Variants in DCLRE1B observed in about 807,000 individuals in gnomAD.
DCLRE1B encodes DNA cross-link repair 1B, also known as 5' exonuclease Apollo.
Under a neutral mutation model 19.8 loss-of-function variants are expected in DCLRE1B, and 6 were observed. The observed-to-expected ratio is 0.30, with a 90% CI of 0.17 to 0.60. The LOEUF is 0.60. DCLRE1B is among the 20% of genes least tolerant of loss of function. DCLRE1B has a pLI of 0.87. For synonymous variants in DCLRE1B, 258 were observed against 255.7 expected (o/e 1.01, Z -0.09); for missense variants, 622 against 654.2 (o/e 0.95, Z 0.54).
At chr1:113,909,733 A>C (rs1669182321) in intron 3 of DCLRE1B, among the ~76,000 whole-genome samples, 1 of 152,234 alleles carries the variant, frequency 6.6e-6, no homozygotes, top group African/African-American at 2.4e-5. Context: ...GCCTCTACCC[A>C]CTAAGTACCA....
rs1383239918 is a variant in DCLRE1B at position 113,913,105 on chromosome 1, T to C, written c.*914T>C. The C allele has an allele frequency of 6.5e-6, 1 of 152,890 alleles. No homozygotes were observed. The highest frequency in any genetic ancestry group is 1.9e-4 in the East Asian group (1 of 5,348). 9.5% of individuals were successfully genotyped at this position (152,890 alleles called of 1,614,324 possible). A position where few individuals can be genotyped will look rare whatever the true frequency, so the allele number is the denominator to read the frequency against. ...GTAGGGAGCCAGTGCACACAGCCTG[T>C]TTGTTTTAGTATCCAAGGAAGAGAC... On this transcript the variant is annotated 3_prime_UTR_variant, in exon 4 of 4. Transcript: ENST00000650450.
chr1:113,905,597 T>C lies in DCLRE1B; in HGVS notation c.11T>C (p.Val4Ala), dbSNP rs1158096159. MNGVLIPHTPIAVD... is the reference protein window; with the variant it reads MNGALIPHTPIAVD... ...TCCAACCCTACCACCATGAATGGGG[T>C]CCTGATCCCCCATACGCCCATCGCA... is the stretch of plus-strand genomic sequence containing the variant. Residue 4 changes from valine to alanine, a missense_variant, in exon 1 of 4, where the codon GTC (valine) becomes GCC (alanine). Transcript: ENST00000650450. 3.1e-6 allele frequency: 5 copies of C among 1,613,840 alleles called. No homozygotes were observed. The highest frequency in any genetic ancestry group is 4.2e-6 in the Non-Finnish European group (5 of 1,179,970).
rs754369826 is a variant in DCLRE1B at position 113,912,237 on chromosome 1, T to C, written c.*46T>C. The C allele has an allele frequency of 6.6e-7, 1 of 1,526,096 alleles. No homozygotes were observed. Among genetic ancestry groups the C allele is most frequent in the Non-Finnish European group, 8.8e-7 (1 of 1,137,320 alleles). The allele number at this position is 1,526,096 out of a possible 1,614,324, so 94.5% of individuals were successfully genotyped here. A position where few individuals can be genotyped will look rare whatever the true frequency, so the allele number is the denominator to read the frequency against. ...ACAACATTGAGCCCACACTGCAGTT[T>C]TGAAGATAGTAACTGATGGCTGGTG... On this transcript the variant is annotated 3_prime_UTR_variant, in exon 4 of 4. Coordinates refer to ENST00000650450, the MANE Select transcript of DCLRE1B (RefSeq NM_022836.4).
intron 2 of DCLRE1B, 87 bp downstream of exon 2, chr1:113,907,248 GGGCCTCGC>G: frequency 8.8e-7 from 1 of 1,133,488 alleles, no homozygotes; most frequent in South Asian, 1.9e-5. Context: ...GTATAGACTG[GGGCCTCGC>G]AGTGTTGCCG....
chr1:113,907,204 G>GTTTTGTT (rs1669055897), intron 2 of DCLRE1B, 43 bp downstream of exon 2: 1 of 465,990 alleles, frequency 2.1e-6, no homozygotes, highest in African/African-American at 5.9e-5. Context: ...CAGACTAGAT[G>GTTTTGTT]TTTTTTTTTT....
At chr1:113,909,411 T>C (rs1402113351) in intron 3 of DCLRE1B, among the ~76,000 whole-genome samples, 1 of 152,240 alleles carries the variant, frequency 6.6e-6, no homozygotes, top group Non-Finnish European at 1.5e-5. Flanking sequence ...TAAATTACTT[T>C]TTTGGTTGTT....
chr1:113,912,435 T>A lies in DCLRE1B; in HGVS notation c.*244T>A. Reference sequence around the variant, plus strand: ...TTTTATAAAATCTTTGGAGTATGCGTGAGCAAATTAAAAGTTCTTTGAAGT... The same window carrying A: ...TTTTATAAAATCTTTGGAGTATGCGAGAGCAAATTAAAAGTTCTTTGAAGT... On this transcript the variant is annotated 3_prime_UTR_variant, in exon 4 of 4. Coordinates refer to ENST00000650450, the MANE Select transcript of DCLRE1B (RefSeq NM_022836.4). 1 of 395,740 alleles carries A rather than the reference T, an allele frequency of 2.5e-6. No homozygotes were observed. Among genetic ancestry groups the A allele is most frequent in the Non-Finnish European group, 4.5e-6 (1 of 222,560 alleles). The allele number at this position is 395,740 out of a possible 1,614,324, so 24.5% of individuals were successfully genotyped here.
chr1:113,904,755 C>G, upstream of DCLRE1B: 1 of 1,570,152 alleles, frequency 6.4e-7, no homozygotes, highest in South Asian at 1.1e-5. Flanking sequence ...ACAGCTCCCA[C>G]GGTAACTCGA....
Position 113,905,604 on chromosome 1 carries a change from C to G in DCLRE1B, c.18C>G (p.Ile6Met), listed in dbSNP as rs1668875392. The change falls in exon 1 of 4, where the codon ATC (isoleucine) becomes ATG (methionine). Residue 6 changes from isoleucine (I) to methionine (M), a missense_variant. Physicochemically the swap from Ile to Met is conservative, Grantham distance 10. Around this residue, in one of 3 missense-constraint regions of DCLRE1B, gnomAD observed 237 missense variants for 223.8 expected, o/e 1.06. Coordinates refer to ENST00000650450, the MANE Select transcript of DCLRE1B (RefSeq NM_022836.4). The stretch of plus-strand genomic sequence containing the variant: ...CTACCACCATGAATGGGGTCCTGAT[C>G]CCCCATACGCCCATCGCAGTGGACT... MNGVL[I>M]PHTPIAVDFW... The G allele has an allele frequency of 6.2e-7, 1 of 1,614,074 alleles. No homozygotes were observed. The highest frequency in any genetic ancestry group is 2.2e-5 in the East Asian group (1 of 44,862).
chr1:113,909,465 T>G (rs147563031), intron 3 of DCLRE1B, among the ~76,000 whole-genome samples: 1 of 152,338 alleles, frequency 6.6e-6, no homozygotes, highest in East Asian at 1.9e-4. Flanking sequence ...TTGCCACCAT[T>G]ATAAATATTT....
intron 2 of DCLRE1B, 60 bp downstream of exon 2, chr1:113,907,221 T>TTTTTTTTTTTTTTTTTTTTTTG: frequency 7.6e-7 from 1 of 1,323,026 alleles, no homozygotes; most frequent in Non-Finnish European, 1.0e-6. Flanking sequence ...TTTTTTTTTT[T>TTTTTTTTTTTTTTTTTTTTTTG]TTTTTTTTTT....
At position 113,912,308 on chromosome 1, in the gene DCLRE1B, T is replaced by C; in HGVS notation, c.*117T>C. The stretch of plus-strand genomic sequence containing the variant: ...GCCTACTTTTCTATCTTTACAAGAC[T>C]CTTATGGGCCCACCGTGGAGCAGCA... On this transcript the variant is annotated 3_prime_UTR_variant, in exon 4 of 4. Coordinates refer to ENST00000650450, the MANE Select transcript of DCLRE1B (RefSeq NM_022836.4). The C allele has an allele frequency of 9.4e-7, 1 of 1,061,682 alleles. No individual in the cohort carries two copies. Among genetic ancestry groups the C allele is most frequent in the Non-Finnish European group, 1.3e-6 (1 of 756,748 alleles). 65.8% of individuals were successfully genotyped at this position (1,061,682 alleles called of 1,614,324 possible).
rs370986769 is a variant in DCLRE1B, at chr1:113,905,705, T to C, written c.119T>C (p.Leu40Pro). Residue 40 changes from leucine (L) to proline (P), a missense_variant, in exon 1 of 4, where the codon CTG becomes CCG. By Grantham distance (98) the Leu-to-Pro change is moderately conservative. Transcript: ENST00000650450. ...SHMHSDHTVG[L>P]SSTWARPLYC... ...ATGCACTCGGACCACACCGTGGGCC[T>C]GTCTAGCACCTGGGCCCGGCCCCTC... 1.2e-5 allele frequency: 20 copies of C among 1,614,088 alleles called. No individual in the cohort carries two copies. The highest frequency in any genetic ancestry group is 5.1e-6 in the Non-Finnish European group (6 of 1,180,048).
chr1:113,907,477 T>C (rs1215376992), intron 2 of DCLRE1B, among the ~76,000 whole-genome samples: 1 of 151,998 alleles, frequency 6.6e-6, no homozygotes. Context: ...TTTTTTTCCT[T>C]CTTCTTTTTG....
rs779189880 is a variant in DCLRE1B, at chr1:113,905,798, C to T, written c.189+23C>T. On this transcript the variant is annotated intron_variant, in intron 1 of 3. Coordinates refer to ENST00000650450, the MANE Select transcript of DCLRE1B (RefSeq NM_022836.4). ...CAGGTATGGGGCTGGAGTCGGTCTC[C>T]GAGAGCTGGTCCAGGCATCTGGGTT... 5 of 1,594,862 alleles carry T rather than the reference C, an allele frequency of 3.1e-6. No individual in the cohort carries two copies. In the African/African-American group the frequency reaches 5.4e-5, roughly 17 times the overall value.
chr1:113,912,233 A>G lies in DCLRE1B; in HGVS notation c.*42A>G. 1 of 1,534,264 alleles carries G rather than the reference A, an allele frequency of 6.5e-7. No individual in the cohort carries two copies. The highest frequency in any genetic ancestry group is 8.8e-7 in the Non-Finnish European group (1 of 1,142,244). On this transcript the variant is annotated 3_prime_UTR_variant, in exon 4 of 4. Transcript: ENST00000650450. ...AATGACAACATTGAGCCCACACTGC[A>G]GTTTTGAAGATAGTAACTGATGGCT...
rs894163490 is a variant in DCLRE1B at position 113,907,074 on chromosome 1, A to G, written c.268A>G (p.Met90Val). 1.2e-6 allele frequency: 2 copies of G among 1,614,082 alleles called. No individual in the cohort carries two copies. The highest frequency in any genetic ancestry group is 1.7e-5 in the Admixed American group (1 of 60,018). ...CCTAGATGAAATTGGACAAGAGACCATGACCGTAACCCTCCTCGATGCCAA... is the reference window on the plus strand; with the variant it reads ...CCTAGATGAAATTGGACAAGAGACCGTGACCGTAACCCTCCTCGATGCCAA... Reference protein sequence around the residue: ...LPLDEIGQETMTVTLLDANHC... With the variant: ...LPLDEIGQETVTVTLLDANHC... The change falls in exon 2 of 4, where the codon ATG becomes GTG. Residue 90 changes from methionine (M) to valine (V), a missense_variant. By Grantham distance (21) the Met-to-Val change is conservative. Transcript: ENST00000650450.
intron 3 of DCLRE1B, among the ~76,000 whole-genome samples, chr1:113,908,803 GCACACA>G (rs35433996): frequency 6.6e-6 from 1 of 150,722 alleles, no homozygotes; most frequent in Non-Finnish European, 1.5e-5. Flanking sequence ...ACATACGCGT[GCACACA>G]CACACACACA....
At chr1:113,909,255 A>C (rs1268367664) in intron 3 of DCLRE1B, among the ~76,000 whole-genome samples, 1 of 152,228 alleles carries the variant, frequency 6.6e-6, no homozygotes, top group African/African-American at 2.4e-5. Context: ...AATTAAGTAT[A>C]CTGAAAAAAC....
Sources: allele counts gnomAD v4.1 joint callset (sites outside exome capture counted in the v4.1 genomes callset), GRCh38; gene constraint gnomAD v4.1.1; regional missense constraint gnomAD v4.1.1; transcripts MANE v1.5; gene names NCBI Gene and HGNC (gene_info 2026-07-23, HGNC 2026-07-21).